The following ASPRV1 variants were observed in gnomAD, a reference collection of about 807,000 sequenced individuals.
ASPRV1 encodes the protein retroviral-like aspartic protease 1.
A neutral mutation model predicts 11.0 loss-of-function variants in ASPRV1; 7 were observed. The ratio of observed to expected loss-of-function variants is 0.64; its 90% CI spans 0.36 to 1.20. The LOEUF is 1.20. Ranked by LOEUF, ASPRV1 falls within the 50% of genes most tolerant of loss-of-function variation. The pLI is 0.02. For synonymous variants in ASPRV1, 136 were observed against 138.4 expected (o/e 0.98, Z 0.12); for missense variants, 299 against 320.0 (o/e 0.93, Z 0.50).
At chr2:69,954,767 A>G in the ASPRV1 span, among the ~76,000 whole-genome samples, 1 of 152,318 alleles carries the variant, frequency 6.6e-6, no homozygotes, top group African/African-American at 2.4e-5. Flanking sequence ...TGTCCCACCC[A>G]GCACAGGAGT....
At chr2:69,942,811 G>C in the ASPRV1 span, 1 of 152,272 alleles carries the variant, frequency 6.6e-6, no homozygotes, top group African/African-American at 2.4e-5. Context: ...AGATCATAGA[G>C]AATGGTGCTT....
the ASPRV1 span, among the ~76,000 whole-genome samples, chr2:70,068,359 A>T: frequency 6.6e-6 from 1 of 152,344 alleles, no homozygotes; most frequent in East Asian, 1.9e-4. Context: ...AGTGGGTTGA[A>T]GAAAGAGCTA....
chr2:69,990,864 G>A, the ASPRV1 span, among the ~76,000 whole-genome samples: 2 of 151,996 alleles, frequency 1.3e-5, no homozygotes, highest in African/African-American at 2.4e-5. Context: ...AGGCGCCCTC[G>A]GGCCACCTTC....
the ASPRV1 span, among the ~76,000 whole-genome samples, chr2:70,007,992 C>T: frequency 2.6e-5 from 4 of 152,164 alleles, no homozygotes; most frequent in African/African-American, 4.8e-5. Flanking sequence ...CGCTCCATCA[C>T]GCCTGGCTAA....
the ASPRV1 span, among the ~76,000 whole-genome samples, chr2:69,933,206 AAAAAAAAAAAAAAAAAAAC>A: frequency 7.7e-6 from 1 of 130,040 alleles, no homozygotes; most frequent in Non-Finnish European, 1.5e-5. Flanking sequence ...GTCTCAAAAA[AAAAAAAAAAAAAAAAAAAC>A]AAAAAAAGAA....
In ASPRV1 at chr2:69,961,244, C is replaced by G. The variant is rs775826144; in HGVS notation, c.193G>C (p.Val65Leu). ...TCCTGGGGACTGAGCCTATTGTAGA[C>G]ACCCAGGGCCTCTCCTCTGAGGGAC... ...KESLRGEALG[V>L]YNRLSPQDQG... Residue 65 changes from valine (V) to leucine (L), a missense_variant, in exon 1 of 1, where the codon GTC (valine) becomes CTC (leucine). Coordinates refer to ENST00000320256, the MANE Select transcript of ASPRV1 (RefSeq NM_152792.4). 6.2e-7 allele frequency: 1 copy of G among 1,614,098 alleles called. No individual in the cohort carries two copies. The highest frequency in any genetic ancestry group is 1.1e-5 in the South Asian group (1 of 91,070).
At chr2:69,991,244 G>A in the ASPRV1 span, among the ~76,000 whole-genome samples, 3 of 152,228 alleles carry the variant, frequency 2.0e-5, no homozygotes, top group East Asian at 1.9e-4. Flanking sequence ...GAAAGGCTGC[G>A]GCCCTCCCTG....
chr2:69,947,762 T>TTTTG, the ASPRV1 span, among the ~76,000 whole-genome samples: 1 of 152,182 alleles, frequency 6.6e-6, no homozygotes, highest in East Asian at 1.9e-4. Context: ...TTTTTGGTTT[T>TTTTG]TTTGTTTGTT....
Position 69,961,541 on chromosome 2 carries a change from G to C in ASPRV1, c.-105C>G, listed in dbSNP as rs1447905108. 6.2e-7 allele frequency: 1 copy of C among 1,614,164 alleles called. No homozygotes were observed. Among genetic ancestry groups the C allele is most frequent in the South Asian group, 1.1e-5 (1 of 91,092 alleles). On this transcript the variant is annotated 5_prime_UTR_variant, in exon 1 of 1. Transcript: ENST00000320256. The stretch of plus-strand genomic sequence containing the variant: ...CTGGAAAACGGGGCCTCTCGAAGCA[G>C]AGTGGGGATGACTTGCCCGGCCTTG...
the ASPRV1 span, among the ~76,000 whole-genome samples, chr2:70,074,821 G>A: frequency 7.3e-5 from 11 of 151,352 alleles, no homozygotes; most frequent in Admixed American, 6.6e-4. Context: ...CAGAGGTTAA[G>A]AGCATGAACT....
the ASPRV1 span, among the ~76,000 whole-genome samples, chr2:70,066,344 T>C: frequency 6.6e-6 from 1 of 151,898 alleles, no homozygotes; most frequent in Non-Finnish European, 1.5e-5. Flanking sequence ...GTTCAAGTGA[T>C]TCTCCTACCT....
upstream of ASPRV1, among the ~76,000 whole-genome samples, chr2:69,965,352 CA>C (rs1398402215): frequency 1.3e-5 from 2 of 152,242 alleles, no homozygotes; most frequent in South Asian, 2.1e-4. Flanking sequence ...CACTTTAGAC[CA>C]GGGGTCCAAT....
the ASPRV1 span, chr2:70,056,008 C>T: frequency 6.6e-6 from 1 of 152,124 alleles, no homozygotes; most frequent in Non-Finnish European, 1.5e-5. Context: ...TATTATTCAA[C>T]CTTAAACCAG....
the ASPRV1 span, chr2:70,074,938 C>T: frequency 6.6e-6 from 1 of 151,314 alleles, no homozygotes; most frequent in East Asian, 2.1e-4. Flanking sequence ...CATGGTGAAA[C>T]CCTGTCTCTA....
the ASPRV1 span, chr2:70,077,514 A>G: frequency 1.3e-5 from 2 of 152,250 alleles, no homozygotes; most frequent in Non-Finnish European, 2.9e-5. Flanking sequence ...ACTTATTATG[A>G]AACTTTTTTT....
At chr2:70,011,950 G>C in the ASPRV1 span, 2 of 152,378 alleles carry the variant, frequency 1.3e-5, no homozygotes, top group Non-Finnish European at 2.9e-5. Flanking sequence ...TCGGGGGCTA[G>C]CAAACAGGGT....
At chr2:69,992,203 CAA>C in the ASPRV1 span, among the ~76,000 whole-genome samples, 13 of 151,992 alleles carry the variant, frequency 8.6e-5, no homozygotes, top group African/African-American at 2.9e-4. Flanking sequence ...GAATTGGAAA[CAA>C]AATGGGAATT....
At chr2:70,077,755 T>C in the ASPRV1 span, among the ~76,000 whole-genome samples, 1 of 152,104 alleles carries the variant, frequency 6.6e-6, no homozygotes, top group African/African-American at 2.4e-5. Context: ...CACAGGAGGC[T>C]GAGGCAGGAG....
the ASPRV1 span, chr2:69,935,582 A>G: frequency 1.4e-6 from 1 of 694,200 alleles, no homozygotes; most frequent in Admixed American, 2.2e-5. Context: ...TATTGGATGA[A>G]TCACAGGTAC....
Sources: gnomAD v4.1 joint callset for allele counts (sites outside exome capture counted in the v4.1 genomes callset) on GRCh38, gnomAD v4.1.1 for gene constraint, MANE v1.5 for transcripts, NCBI Gene and HGNC (gene_info 2026-07-23, HGNC 2026-07-21) for gene names.